The following PRDX2 variants were observed in gnomAD, a reference collection of about 807,000 sequenced individuals.
The protein encoded by PRDX2 is peroxiredoxin 2, also known as peroxiredoxin-2.
A neutral mutation model predicts 19.8 loss-of-function variants in PRDX2; 10 were observed. That is an observed-to-expected ratio of 0.50 (90% CI 0.31 to 0.86). The LOEUF (loss-of-function observed/expected upper bound fraction) is 0.86, where lower values mean the gene tolerates loss of function less well. Among genes scored for constraint, PRDX2 ranks in the 40% least tolerant of loss-of-function variants. The pLI, the probability that PRDX2 is intolerant of heterozygous loss-of-function variation, is 0.04. For missense variants in PRDX2, 226 were observed against 260.1 expected, an observed-to-expected ratio of 0.87 and a Z score of 0.90; for synonymous variants, 118 against 108.2, an observed-to-expected ratio of 1.09 and a Z score of -0.56.
intron 5 of PRDX2, among the ~76,000 whole-genome samples, chr19:12,798,481 A>C (rs1050586773): frequency 1.3e-5 from 2 of 151,670 alleles, no homozygotes; most frequent in African/African-American, 4.9e-5. Flanking sequence ...CCTCCCAAGT[A>C]GCTGGGATTA....
Sources: gnomAD v4.1 joint callset for allele counts (sites outside exome capture counted in the v4.1 genomes callset) on GRCh38, gnomAD v4.1.1 for gene constraint, MANE v1.5 for transcripts, NCBI Gene and HGNC (gene_info 2026-07-23, HGNC 2026-07-21) for gene names.